The following LSS variants were observed in gnomAD, a reference collection of about 807,000 sequenced individuals.
LSS encodes 2,3-epoxysqualene-lanosterol cyclase.
LSS carries 90 observed loss-of-function variants against 110.3 expected under a neutral mutation model. The ratio of observed to expected loss-of-function variants is 0.82; its 90% CI spans 0.69 to 0.97. The LOEUF is 0.97. LSS is among the 50% of genes least tolerant of loss of function. The pLI is 0.00. For missense variants in LSS, 927 were observed against 990.0 expected (o/e 0.94, Z 0.85); for synonymous variants, 433 against 400.0 (o/e 1.08, Z -0.98).
chr21:46,188,657 G>C lies in LSS; in HGVS notation c.*2447C>G, dbSNP rs1373367088. 4.2e-6 allele frequency: 2 copies of C among 470,726 alleles called. No individual in the cohort carries two copies. Among genetic ancestry groups the C allele is most frequent in the African/African-American group, 2.0e-5 (1 of 49,966 alleles). 29.2% of individuals were successfully genotyped at this position (470,726 alleles called of 1,614,324 possible). ...ATTGTGATCCAATTGTGAACAAAAA[G>C]TCCTCTTCGTGGAACAGGAAAAATA... On this transcript the variant is annotated 3_prime_UTR_variant, in exon 22 of 22. Transcript: ENST00000397728.
rs774110248 is a variant in LSS at position 46,216,580 on chromosome 21, G to A, written c.648-56C>T. ...CCCAAGACTCAAGCCTGCCCCCTCC[G>A]CCAGCATCCATACCTTGGGCCCTTT... On this transcript the variant is annotated intron_variant, in intron 6 of 21. Transcript: ENST00000397728. The surrounding 1 kb of genome is among the most constrained non-coding windows in gnomAD (Gnocchi z 4.2). 2.7e-5 allele frequency: 40 copies of A among 1,487,384 alleles called. No homozygotes were observed. The highest frequency in any genetic ancestry group is 1.2e-4 in the South Asian group (9 of 74,776). 92.1% of individuals were successfully genotyped at this position (1,487,384 alleles called of 1,614,324 possible). A position where few individuals can be genotyped will look rare whatever the true frequency, so the allele number is the denominator to read the frequency against.
At position 46,219,556 on chromosome 21, in the gene LSS, G is replaced by A. The variant is rs1345731550; in HGVS notation, c.567C>T (p.Ile189=). The A allele has an allele frequency of 5.6e-6, 9 of 1,599,884 alleles. No individual in the cohort carries two copies. The highest frequency in any genetic ancestry group is 7.7e-6 in the Non-Finnish European group (9 of 1,173,148). The change falls in exon 6 of 22, where the codon ATC becomes ATT. Residue 189 remains isoleucine, a synonymous_variant. Coordinates refer to ENST00000397728, the MANE Select transcript of LSS (RefSeq NM_002340.6). The part of the protein sequence containing the change: ...ILHKKGGAVA[I]PSWGKFWLAV... ...CCAGCCAGAACTTCCCCCAGGAGGG[G>A]ATGGCCACAGCACCACCTGAGCGGG...
intron 17 of LSS, among the ~76,000 whole-genome samples, chr21:46,203,614 G>A (rs1380133712): frequency 6.6e-6 from 1 of 152,258 alleles, no homozygotes; most frequent in Non-Finnish European, 1.5e-5. Flanking sequence ...AAATGTGGCT[G>A]AGGACAACTC....
chr21:46,228,497 C>A lies in LSS; in HGVS notation c.117G>T (p.Leu39=). ...CERGRQTWTY[L]QDERAGREQT... is the part of the protein sequence containing the mutation. ...GCTCGCGGCCGGCGCGCTCGTCCTGCAGGTAGGTCCACGTCTGCCGGCCCC... is the reference window on the plus strand; with the variant it reads ...GCTCGCGGCCGGCGCGCTCGTCCTGAAGGTAGGTCCACGTCTGCCGGCCCC... The change falls in exon 2 of 22, where the codon CTG becomes CTT. Residue 39 remains leucine (L), a synonymous_variant. Coordinates refer to ENST00000397728, the MANE Select transcript of LSS (RefSeq NM_002340.6). The A allele has an allele frequency of 6.2e-7, 1 of 1,602,902 alleles. No homozygotes were observed. The highest frequency in any genetic ancestry group is 8.5e-7 in the Non-Finnish European group (1 of 1,179,544).
chr21:46,192,528 G>C (rs113954605), intron 20 of LSS: 7 of 411,806 alleles, frequency 1.7e-5, no homozygotes, highest in African/African-American at 1.4e-4. Context: ...ATGTATGTGT[G>C]CACAGGTGCC....
At position 46,222,704 on chromosome 21, in the gene LSS, A is replaced by G. The variant is rs756320105; in HGVS notation, c.354T>C (p.Pro118=). The stretch of plus-strand genomic sequence containing the variant: ...TCTCTTCTCTGTATCCGGCTGGCAG[A>G]GGGATGCGTGCCACGTGGCAAGTGA... ...LLITCHVARI[P]LPAGYREEIV... is the part of the protein sequence containing the mutation. The change falls in exon 4 of 22, where the codon CCT becomes CCC. Residue 118 remains proline, a synonymous_variant. Transcript: ENST00000397728. 5.6e-6 allele frequency: 9 copies of G among 1,613,768 alleles called. No individual in the cohort carries two copies. Among genetic ancestry groups the G allele is most frequent in the African/African-American group, 2.7e-5 (2 of 74,940 alleles).
chr21:46,213,134 G>T lies in LSS; in HGVS notation c.1110-82C>A. On this transcript the variant is annotated intron_variant, in intron 10 of 21. Transcript: ENST00000397728. ...CTACCCAGACCCTGCACTCAGGAGG[G>T]TCCCAGAGAGGCCGTCTGTCCCCTC... 5 of 1,363,474 alleles carry T rather than the reference G, an allele frequency of 3.7e-6. No homozygotes were observed. The South Asian group carries it at 6.0e-5, about 16-fold the overall frequency. 84.5% of individuals were successfully genotyped at this position (1,363,474 alleles called of 1,614,324 possible).
intron 9 of LSS, among the ~76,000 whole-genome samples, chr21:46,214,930 C>T (rs1418936650): frequency 2.0e-5 from 3 of 151,902 alleles, no homozygotes; most frequent in Admixed American, 6.6e-5. Flanking sequence ...TCCAGGCACA[C>T]TGAGGACAAG....
At chr21:46,201,921 C>G (rs2079982904) in intron 17 of LSS, among the ~76,000 whole-genome samples, 1 of 150,378 alleles carries the variant, frequency 6.6e-6, no homozygotes, top group African/African-American at 2.4e-5. Flanking sequence ...CCTCAGCCTC[C>G]CGAGTAGCTG....
At chr21:46,215,861 G>A in intron 7 of LSS, 68 bp from the exon 8 acceptor site, 1 of 1,076,558 alleles carries the variant, frequency 9.3e-7, no homozygotes. Flanking sequence ...AACCAGGAGG[G>A]GTGGCCTCCC....
chr21:46,212,830 G>A (rs371912899), intron 11 of LSS, among the ~76,000 whole-genome samples, 195 bp downstream of exon 11: 2 of 152,190 alleles, frequency 1.3e-5, no homozygotes, highest in African/African-American at 2.4e-5. Flanking sequence ...GACAGACATC[G>A]AGAACGGTGG....
At chr21:46,222,171 CCCCACT>C in intron 4 of LSS, 196 bp from the exon 5 acceptor site, 3 of 608,946 alleles carry the variant, frequency 4.9e-6, no homozygotes, top group South Asian at 2.0e-5. Context: ...CAACTGAGCC[CCCCACT>C]CCTTCCTCAC....
At position 46,202,165 on chromosome 21, in the gene LSS, C is replaced by T. The variant is rs867530417; in HGVS notation, c.1670+3671G>A. On this transcript the variant is annotated intron_variant, in intron 17 of 21. Coordinates refer to ENST00000397728, the MANE Select transcript of LSS (RefSeq NM_002340.6). ...ATCCCAGCACTTTGGGAGGCCGAGG[C>T]GGGCGGATCACGAGGTCAGGAGATC... 2.7e-4 allele frequency among the ~76,000 whole-genome samples: 37 copies of T among 137,552 alleles called. 1 individual carries two copies. In the South Asian group the frequency reaches 4.0e-3, roughly 15 times the overall value. 90.2% of individuals were successfully genotyped at this position (137,552 alleles called of 152,430 possible). A position where few individuals can be genotyped will look rare whatever the true frequency, so the allele number is the denominator to read the frequency against.
At chr21:46,227,994 C>A (rs1024817102) in intron 2 of LSS, among the ~76,000 whole-genome samples, 1 of 152,282 alleles carries the variant, frequency 6.6e-6, no homozygotes, top group African/African-American at 2.4e-5. Flanking sequence ...CGACCTGGGC[C>A]TGGGACTCGG....
Position 46,215,212 on chromosome 21 carries a change from C to T in LSS, c.979G>A (p.Asp327Asn), listed in dbSNP as rs1483310785. ...ATGCTGATGCTCTTGGTGAATCGGT[C>T]GTCGGCCACAATGTGTTCATACAGC... ...QKLYEHIVAD[D>N]RFTKSISIGP... is the part of the protein sequence containing the mutation. The change falls in exon 9 of 22, where the codon GAC becomes AAC. Residue 327 changes from aspartate (D) to asparagine (N), a missense_variant. Physicochemically the swap from Asp to Asn is conservative, Grantham distance 23. Transcript: ENST00000397728. 2.1e-5 allele frequency: 34 copies of T among 1,610,852 alleles called. No individual in the cohort carries two copies. Among genetic ancestry groups the T allele is most frequent in the African/African-American group, 2.7e-5 (2 of 74,842 alleles).
At chr21:46,225,257 CAT>C in intron 3 of LSS, 1 of 322,018 alleles carries the variant, frequency 3.1e-6, no homozygotes, top group Non-Finnish European at 6.3e-6. Context: ...GCTGAAGAGA[CAT>C]AGTGAGAAGT....
At position 46,195,747 on chromosome 21, in the gene LSS, T is replaced by C. The variant is rs1569018604; in HGVS notation, c.1746A>G (p.Gly582=). ...RADGSWEGSW[G]VCFTYGTWFG... ...ACCAGGTGCCGTAGGTGAAGCAAAC[T>C]CCCCAGGAGCTGGAGGGAAACAGGG... Residue 582 remains glycine (G), a synonymous_variant, in exon 19 of 22, where the codon GGA becomes GGG. Coordinates refer to ENST00000397728, the MANE Select transcript of LSS (RefSeq NM_002340.6). 1 of 1,613,182 alleles carries C rather than the reference T, an allele frequency of 6.2e-7. No homozygotes were observed. Among genetic ancestry groups the C allele is most frequent in the Non-Finnish European group, 8.5e-7 (1 of 1,179,870 alleles).
rs1169798690 is a variant in LSS, at chr21:46,228,734, G to A, written c.12C>T (p.Gly4=). Residue 4 remains glycine (G), a splice_region_variant and synonymous_variant, in exon 1 of 22, where the codon GGC becomes GGT. Transcript: ENST00000397728. MTE[G]TCLRRRGGPY... is the part of the protein sequence containing the mutation. ...GAGCCCGGGGCGAGGGGACTCACGT[G>A]CCCTCCGTCATTGCTGCTGCAGTGC... The A allele has an allele frequency of 2.4e-5, 38 of 1,600,352 alleles. No homozygotes were observed. Among genetic ancestry groups the A allele is most frequent in the East Asian group, 2.2e-5 (1 of 44,664 alleles).
At chr21:46,202,963 C>T (rs931994159) in intron 17 of LSS, among the ~76,000 whole-genome samples, 3 of 152,206 alleles carry the variant, frequency 2.0e-5, no homozygotes, top group Non-Finnish European at 4.4e-5. Context: ...CCATTGCTCC[C>T]CTGCGGGCCA....
Sources: allele counts gnomAD v4.1 joint callset (sites outside exome capture counted in the v4.1 genomes callset), GRCh38; gene constraint gnomAD v4.1.1; non-coding constraint Gnocchi (gnomAD v3.1); transcripts MANE v1.5; gene names NCBI Gene and HGNC (gene_info 2026-07-23, HGNC 2026-07-21).